The following LPO variants were observed in gnomAD, a reference collection of about 807,000 sequenced individuals.
LPO encodes lactoperoxidase, also known as salivary peroxidase.
A neutral mutation model predicts 68.4 loss-of-function variants in LPO; 70 were observed. That is an observed-to-expected ratio of 1.02 (90% CI 0.84 to 1.25). LPO has a LOEUF of 1.25. Among genes scored for constraint, LPO ranks in the 50% most tolerant of loss-of-function variants. The pLI, the probability that LPO is intolerant of heterozygous loss-of-function variation, is 0.00. For synonymous variants in LPO, 360 were observed against 357.6 expected, an observed-to-expected ratio of 1.01 and a Z score of -0.08; for missense variants, 873 against 908.4, an observed-to-expected ratio of 0.96 and a Z score of 0.50.
chr17:58,252,293 A>T lies in LPO; in HGVS notation c.892A>T (p.Asn298Tyr). 1 of 1,614,170 alleles carries T rather than the reference A, an allele frequency of 6.2e-7. No individual in the cohort carries two copies. The highest frequency in any genetic ancestry group is 8.5e-7 in the Non-Finnish European group (1 of 1,180,020). ...PYKSLAREQI[N>Y]ALTSFLDASF... ...CAAGTCCCTGGCCCGAGAGCAGATCAACGCTCTGACCTCCTTCCTGGATGC... is the reference window on the plus strand; with the variant it reads ...CAAGTCCCTGGCCCGAGAGCAGATCTACGCTCTGACCTCCTTCCTGGATGC... The change falls in exon 8 of 13, where the codon AAC becomes TAC. Residue 298 changes from asparagine to tyrosine, a missense_variant. Coordinates refer to ENST00000262290, the MANE Select transcript of LPO (RefSeq NM_006151.3).
At chr17:58,251,938 G>A (rs1448780679) in intron 7 of LPO, 2 of 726,008 alleles carry the variant, frequency 2.8e-6, no homozygotes, top group East Asian at 5.3e-5. Context: ...GAAATTTGGA[G>A]CCCTCACTGT....
chr17:58,257,087 C>T (rs894027696), intron 9 of LPO, among the ~76,000 whole-genome samples: 1 of 149,082 alleles, frequency 6.7e-6, no homozygotes, highest in Non-Finnish European at 1.5e-5. Context: ...GCACCTGCCA[C>T]CACGTCCTGC....
chr17:58,239,659 T>G (rs185242924), intron 1 of LPO, among the ~76,000 whole-genome samples: 93 of 152,130 alleles, frequency 6.1e-4, no homozygotes, highest in African/African-American at 2.1e-3. Flanking sequence ...CTTCCCCCTA[T>G]CTCCTTGGTG....
intron 10 of LPO, among the ~76,000 whole-genome samples, chr17:58,265,894 C>T (rs964772705): frequency 1.3e-5 from 2 of 151,946 alleles, no homozygotes; most frequent in Non-Finnish European, 2.9e-5. Flanking sequence ...CAAAAAATAT[C>T]TCAATGTTTA....
chr17:58,256,618 A>G (rs189926840), intron 9 of LPO, among the ~76,000 whole-genome samples: 1 of 152,162 alleles, frequency 6.6e-6, no homozygotes, highest in African/African-American at 2.4e-5. Flanking sequence ...GATCGAGACC[A>G]TCCCGGCCAA....
rs1258639416 is a variant in LPO, at chr17:58,266,325, TG to T, written c.1693+1del. ...TQRCRDHGQP[G>X]YNSWRAFCDL... Reference sequence around the variant, plus strand: ...AGCGTTGCCGGGACCATGGGCAACCTGGTGAGTGTCTGAAGTCTGGCCTGCA... The same window carrying T: ...AGCGTTGCCGGGACCATGGGCAACCTGTGAGTGTCTGAAGTCTGGCCTGCA... On this transcript the variant is annotated frameshift_variant and splice_region_variant, in exon 11 of 13. Coordinates refer to ENST00000262290, the MANE Select transcript of LPO (RefSeq NM_006151.3). LOFTEE classifies it high-confidence loss of function. 3 of 1,613,806 alleles carry T rather than the reference TG, an allele frequency of 1.9e-6. No homozygotes were observed. Among genetic ancestry groups the T allele is most frequent in the Non-Finnish European group, 2.5e-6 (3 of 1,180,008 alleles).
chr17:58,263,790 A>C (rs926404491), intron 9 of LPO, among the ~76,000 whole-genome samples: 30 of 152,026 alleles, frequency 2.0e-4, no homozygotes, highest in Admixed American at 4.6e-4. Flanking sequence ...TAGGTTTAGC[A>C]TGTAGGTTCT....
Position 58,267,923 on chromosome 17 carries a change from C to G in LPO, c.2068C>G (p.Pro690Ala), listed in dbSNP as rs773012302. The G allele has an allele frequency of 6.2e-7, 1 of 1,614,186 alleles. No homozygotes were observed. Among genetic ancestry groups the G allele is most frequent in the South Asian group, 1.1e-5 (1 of 91,084 alleles). Residue 690 changes from proline (P) to alanine (A), a missense_variant, in exon 13 of 13, where the codon CCC (proline) becomes GCC (alanine). Coordinates refer to ENST00000262290, the MANE Select transcript of LPO (RefSeq NM_006151.3). ...PRDPFWANSYPYDFVDCSAID... is the reference protein window; with the variant it reads ...PRDPFWANSYAYDFVDCSAID... ...GGACCCATTCTGGGCCAACAGCTAC[C>G]CCTATGACTTCGTGGATTGCTCAGC...
chr17:58,263,128 C>CT (rs1970203383), intron 9 of LPO, among the ~76,000 whole-genome samples: 2 of 152,228 alleles, frequency 1.3e-5, no homozygotes, highest in Middle Eastern at 3.4e-3. Context: ...TCTATTCAAG[C>CT]TTTTTTAAAA....
chr17:58,258,007 G>GT (rs1970102717), intron 9 of LPO, among the ~76,000 whole-genome samples: 1 of 152,100 alleles, frequency 6.6e-6, no homozygotes, highest in Non-Finnish European at 1.5e-5. Flanking sequence ...CTATAGAGTT[G>GT]TTTAAGCTTC....
rs1361854385 is a variant in LPO at position 58,264,766 on chromosome 17, C to T, written c.1311C>T (p.His437=). 3 of 1,614,224 alleles carry T rather than the reference C, an allele frequency of 1.9e-6. No homozygotes were observed. Among genetic ancestry groups the T allele is most frequent in the Non-Finnish European group, 2.5e-6 (3 of 1,180,042 alleles). Residue 437 remains histidine, a synonymous_variant, in exon 10 of 13, where the codon CAC becomes CAT. Coordinates refer to ENST00000262290, the MANE Select transcript of LPO (RefSeq NM_006151.3). ...ACCTACCCATTTTGCTAGGTGACCA[C>T]ATGCAGAAGTGGATACCCCCATATC... The part of the protein sequence containing the change: ...RDYLPILLGD[H]MQKWIPPYQG...
At chr17:58,247,427 G>A in intron 3 of LPO, 51 bp from the exon 4 acceptor site, 1 of 1,229,228 alleles carries the variant, frequency 8.1e-7, no homozygotes, top group Non-Finnish European at 1.1e-6. Flanking sequence ...GCGGCCCCCA[G>A]CCCCCTTCCT....
At chr17:58,265,088 G>T in intron 10 of LPO, 114 bp downstream of exon 10, 1 of 1,347,048 alleles carries the variant, frequency 7.4e-7, no homozygotes, top group Non-Finnish European at 1.0e-6. Flanking sequence ...TTGGGCAAAT[G>T]AATTCACCTC....
rs770190920 is a variant in LPO at position 58,250,408 on chromosome 17, T to A, written c.574-7T>A. 6.2e-7 allele frequency: 1 copy of A among 1,613,360 alleles called. No homozygotes were observed. Among genetic ancestry groups the A allele is most frequent in the Non-Finnish European group, 8.5e-7 (1 of 1,179,350 alleles). ...AATCTGCCCTCCCCTTCTCTCTCCA[T>A]CTGTAGGCCCGGGAGGTATCTAACA... On this transcript the variant is annotated splice_polypyrimidine_tract_variant and splice_region_variant and intron_variant, in intron 6 of 12. Coordinates refer to ENST00000262290, the MANE Select transcript of LPO (RefSeq NM_006151.3).
intron 9 of LPO, among the ~76,000 whole-genome samples, chr17:58,262,756 A>C (rs1970197971): frequency 6.6e-6 from 1 of 152,182 alleles, no homozygotes; most frequent in East Asian, 1.9e-4. Flanking sequence ...TGACTATTTT[A>C]ATACTTTATG....
intron 6 of LPO, 134 bp from the exon 7 acceptor site, chr17:58,250,281 A>G (rs1598023678): frequency 2.8e-6 from 2 of 727,098 alleles, no homozygotes; most frequent in African/African-American, 1.7e-5. Flanking sequence ...GGCTAATGCC[A>G]CCCACCTCAC....
Position 58,252,322 on chromosome 17 carries a change from C to T in LPO, c.921C>T (p.Ser307=). 6.2e-7 allele frequency: 1 copy of T among 1,614,234 alleles called. No individual in the cohort carries two copies. Among genetic ancestry groups the T allele is most frequent in the Non-Finnish European group, 8.5e-7 (1 of 1,180,050 alleles). Residue 307 remains serine (S), a synonymous_variant, in exon 8 of 13, where the codon AGC becomes AGT. Coordinates refer to ENST00000262290, the MANE Select transcript of LPO (RefSeq NM_006151.3). ...INALTSFLDA[S]FVYSSEPSLA... ...CTCTGACCTCCTTCCTGGATGCCAG[C>T]TTTGTGTACAGCTCCGAGCCAAGCC...
At position 58,267,294 on chromosome 17, in the gene LPO, G is replaced by T. The variant is rs1031880422; in HGVS notation, c.1694-55G>T. 6.0e-5 allele frequency: 85 copies of T among 1,408,706 alleles called. No homozygotes were observed. The African/African-American group carries it at 9.0e-4, about 15-fold the overall frequency. The allele number at this position is 1,408,706 out of a possible 1,614,324, so 87.3% of individuals were successfully genotyped here. A position where few individuals can be genotyped will look rare whatever the true frequency, so the allele number is the denominator to read the frequency against. ...AGCTGGAGTGGACATGGCCCCAAAG[G>T]AGGCTGTGAACAGGAAGTCCCCGGG... On this transcript the variant is annotated intron_variant, in intron 11 of 12. Coordinates refer to ENST00000262290, the MANE Select transcript of LPO (RefSeq NM_006151.3).
intron 9 of LPO, among the ~76,000 whole-genome samples, chr17:58,259,424 G>C (rs896150000): frequency 6.6e-6 from 1 of 152,102 alleles, no homozygotes; most frequent in Non-Finnish European, 1.5e-5. Flanking sequence ...CTATTTCTGG[G>C]TTGTCTATTC....
Sources: allele counts gnomAD v4.1 joint callset (sites outside exome capture counted in the v4.1 genomes callset), GRCh38; gene constraint gnomAD v4.1.1; transcripts MANE v1.5; gene names NCBI Gene and HGNC (gene_info 2026-07-23, HGNC 2026-07-21).